Variants in JARID2 observed in about 807,000 individuals in gnomAD.
The protein encoded by JARID2 is protein Jumonji.
A neutral mutation model predicts 125.6 loss-of-function variants in JARID2; 21 were observed. That is an observed-to-expected ratio of 0.17 (90% CI 0.12 to 0.24). The LOEUF (loss-of-function observed/expected upper bound fraction) is 0.24, where lower values mean the gene tolerates loss of function less well. JARID2 is among the 10% of genes least tolerant of loss of function. The pLI is 1.00. For synonymous variants in JARID2, 736 were observed against 661.6 expected (o/e 1.11, Z -1.73); for missense variants, 1,303 against 1,639.6 (o/e 0.79, Z 3.55).
chr6:15,379,942 A>G (rs574550551), intron 2 of JARID2, among the ~76,000 whole-genome samples: 2 of 152,136 alleles, frequency 1.3e-5, no homozygotes, highest in South Asian at 4.1e-4. Context: ...TAAAGATAGC[A>G]TTCCAAAAAT....
At chr6:15,380,118 C>T (rs1336513482) in intron 2 of JARID2, among the ~76,000 whole-genome samples, 1 of 151,870 alleles carries the variant, frequency 6.6e-6, no homozygotes, top group African/African-American at 2.4e-5. Context: ...CCACTGCAAC[C>T]TCAGCCTCCT....
At position 15,432,121 on chromosome 6, in the gene JARID2, T is replaced by G. The variant is rs149794505; in HGVS notation, c.324-19885T>G. Among the ~76,000 whole-genome samples, 617 of 151,942 alleles carry G rather than the reference T, an allele frequency of 4.1e-3. 4 individuals are homozygous for G. The highest frequency in any genetic ancestry group is 0.024 in the Middle Eastern group (7 of 294). ...GCAATGAAAAAAAAAAAACACAGATTTATTGAAACGAAAGTACACTCTACA... is the reference window on the plus strand; with the variant it reads ...GCAATGAAAAAAAAAAAACACAGATGTATTGAAACGAAAGTACACTCTACA... On this transcript the variant is annotated intron_variant, in intron 3 of 17. Transcript: ENST00000341776.
chr6:15,348,871 G>A (rs1229094466), intron 1 of JARID2, among the ~76,000 whole-genome samples: 2 of 152,116 alleles, frequency 1.3e-5, no homozygotes, highest in Non-Finnish European at 2.9e-5. Flanking sequence ...AGGTGGAGGC[G>A]GATGAATTAA....
intron 3 of JARID2, among the ~76,000 whole-genome samples, chr6:15,415,851 C>A (rs1455661374): frequency 7.5e-6 from 1 of 134,110 alleles, no homozygotes; most frequent in East Asian, 2.3e-4. Flanking sequence ...CCGGACGGGG[C>A]GGCTGGCTGG....
intron 1 of JARID2, among the ~76,000 whole-genome samples, chr6:15,347,701 C>G (rs770535543): frequency 2.6e-5 from 4 of 152,114 alleles, no homozygotes; most frequent in African/African-American, 7.2e-5. Context: ...CTCAAAAATC[C>G]TTTACTGGAC....
intron 3 of JARID2, among the ~76,000 whole-genome samples, chr6:15,444,547 T>C (rs1767584245): frequency 6.6e-6 from 1 of 151,872 alleles, no homozygotes. Context: ...GGCTGCCAGG[T>C]TTGTAGTGTG....
intron 1 of JARID2, among the ~76,000 whole-genome samples, chr6:15,347,644 C>G (rs1182286755): frequency 6.6e-6 from 1 of 152,154 alleles, no homozygotes; most frequent in African/African-American, 2.4e-5. Flanking sequence ...AAGTAGAATT[C>G]TGTTGGGGTT....
chr6:15,367,276 T>C (rs1490104484), intron 1 of JARID2, among the ~76,000 whole-genome samples: 1 of 152,244 alleles, frequency 6.6e-6, no homozygotes, highest in South Asian at 2.1e-4. Flanking sequence ...ACCCATGCTT[T>C]TTCATCTTTG....
At chr6:15,409,309 G>A (rs1372356665) in intron 2 of JARID2, among the ~76,000 whole-genome samples, 3 of 152,194 alleles carry the variant, frequency 2.0e-5, no homozygotes, top group South Asian at 2.1e-4. Context: ...ATCAAGCACC[G>A]TAAAACTGCA....
intron 1 of JARID2, among the ~76,000 whole-genome samples, chr6:15,286,352 A>G (rs1389814596): frequency 6.6e-6 from 1 of 150,802 alleles, no homozygotes; most frequent in African/African-American, 2.4e-5. Flanking sequence ...TCCCGGATTC[A>G]AATGATTCTC....
intron 1 of JARID2, among the ~76,000 whole-genome samples, chr6:15,278,990 T>C (rs1760649528): frequency 6.6e-6 from 1 of 151,544 alleles, no homozygotes; most frequent in Admixed American, 6.6e-5. Flanking sequence ...CAAGCTCAGG[T>C]TGAGGCATGA....
At chr6:15,338,334 A>G (rs1343333285) in intron 1 of JARID2, among the ~76,000 whole-genome samples, 3 of 152,170 alleles carry the variant, frequency 2.0e-5, no homozygotes, top group East Asian at 3.8e-4. Flanking sequence ...GTCCTAAACC[A>G]TTGGGACTGC....
intron 1 of JARID2, among the ~76,000 whole-genome samples, chr6:15,356,213 G>A (rs570897040): frequency 7.0e-4 from 106 of 152,250 alleles, no homozygotes; most frequent in African/African-American, 2.5e-3. Flanking sequence ...ATCATTTGAT[G>A]GACAGTTGGG....
intron 3 of JARID2, among the ~76,000 whole-genome samples, chr6:15,432,654 T>G (rs955172793): frequency 3.3e-5 from 5 of 152,150 alleles, no homozygotes; most frequent in African/African-American, 1.2e-4. Flanking sequence ...GCTGGAAAGT[T>G]TGGAATGTTA....
intron 2 of JARID2, among the ~76,000 whole-genome samples, chr6:15,389,248 T>G (rs1467881575): frequency 6.6e-6 from 1 of 152,198 alleles, no homozygotes; most frequent in African/African-American, 2.4e-5. Context: ...GCAGCTTGCG[T>G]GCACCGCCCC....
In JARID2 at chr6:15,521,116, A is replaced by G. The variant is rs1192125199; in HGVS notation, c.*865A>G. The G allele has an allele frequency of 5.9e-6, 1 of 170,576 alleles. No homozygotes were observed. Among genetic ancestry groups the G allele is most frequent in the Non-Finnish European group, 1.3e-5 (1 of 79,162 alleles). 10.6% of individuals were successfully genotyped at this position (170,576 alleles called of 1,614,324 possible). On this transcript the variant is annotated 3_prime_UTR_variant, in exon 18 of 18. Transcript: ENST00000341776. ...AGGAAAAAAAAGTGATGGAAGCCGTAAGTGCTTCTTTGTCATCGACGTGCA... is the reference window on the plus strand; with the variant it reads ...AGGAAAAAAAAGTGATGGAAGCCGTGAGTGCTTCTTTGTCATCGACGTGCA...
chr6:15,392,680 C>CTTTTTTTTTTTTT (rs35429221), intron 2 of JARID2, among the ~76,000 whole-genome samples: 1 of 120,898 alleles, frequency 8.3e-6, no homozygotes, highest in African/African-American at 3.3e-5. Context: ...GATTAAGAGA[C>CTTTTTTTTTTTTT]TTTTTTTTTT....
intron 1 of JARID2, among the ~76,000 whole-genome samples, chr6:15,329,303 C>T (rs1762630481): frequency 6.6e-6 from 1 of 151,774 alleles, no homozygotes; most frequent in South Asian, 2.1e-4. Flanking sequence ...GTGATTAATC[C>T]TGCAATGAGT....
At position 15,389,980 on chromosome 6, in the gene JARID2, C is replaced by T. The variant is rs547706068; in HGVS notation, c.181+15728C>T. 7.2e-5 allele frequency among the ~76,000 whole-genome samples: 11 copies of T among 152,296 alleles called. No individual in the cohort carries two copies. In the South Asian group the frequency reaches 2.1e-3, roughly 29 times the overall value. ...GAGAGACTTTTTTCCTAGAGATGCA[C>T]ATGGCTTTTAGTTTCCTTCTTTGAC... is the stretch of plus-strand genomic sequence containing the variant. On this transcript the variant is annotated intron_variant, in intron 2 of 17. Transcript: ENST00000341776.
Sources: allele counts gnomAD v4.1 joint callset (sites outside exome capture counted in the v4.1 genomes callset), GRCh38; gene constraint gnomAD v4.1.1; transcripts MANE v1.5; gene names NCBI Gene and HGNC (gene_info 2026-07-23, HGNC 2026-07-21).